EPHA6: variants seen among roughly 807,000 people sequenced by gnomAD.
EPHA6 encodes EPH receptor A6, also known as ephrin type-A receptor 6.
A neutral mutation model predicts 112.0 loss-of-function variants in EPHA6; 50 were observed. The ratio of observed to expected loss-of-function variants is 0.45; its 90% confidence interval spans 0.36 to 0.56. The LOEUF (loss-of-function observed/expected upper bound fraction) is 0.56, where lower values mean the gene tolerates loss of function less well. EPHA6 is among the 20% of genes least tolerant of loss of function. The pLI is 0.00. For missense variants in EPHA6, 1,280 were observed against 1,417.4 expected, an observed-to-expected ratio of 0.90 and a Z score of 1.56; for synonymous variants, 529 against 490.7, an observed-to-expected ratio of 1.08 and a Z score of -1.03.
chr3:97,264,051 C>A (rs769431355), intron 5 of EPHA6, among the ~76,000 whole-genome samples: 7 of 152,236 alleles, frequency 4.6e-5, no homozygotes, highest in Non-Finnish European at 8.8e-5. Context: ...TTCAGCTGTG[C>A]AGGTTATACA....
At chr3:96,933,317 T>C (rs1476350088) in intron 2 of EPHA6, among the ~76,000 whole-genome samples, 1 of 152,200 alleles carries the variant, frequency 6.6e-6, no homozygotes, top group Non-Finnish European at 1.5e-5. Context: ...GAGGTCCTGG[T>C]TACATTCCTC....
intron 2 of EPHA6, among the ~76,000 whole-genome samples, chr3:96,941,841 G>A (rs896001299): frequency 6.6e-6 from 1 of 152,218 alleles, no homozygotes; most frequent in African/African-American, 2.4e-5. Flanking sequence ...CTACAGGTCT[G>A]TTCGAGTTTG....
chr3:96,919,133 G>T (rs112848804), intron 2 of EPHA6, among the ~76,000 whole-genome samples: 1 of 151,808 alleles, frequency 6.6e-6, no homozygotes, highest in East Asian at 1.9e-4. Context: ...ACTGTGGAAC[G>T]TAGCCGCTTT....
intron 5 of EPHA6, among the ~76,000 whole-genome samples, chr3:97,388,656 C>T (rs1413164336): frequency 1.3e-5 from 2 of 152,130 alleles, no homozygotes; most frequent in East Asian, 1.9e-4. Context: ...AGGCAATCTT[C>T]CTCGGCTACT....
chr3:96,922,938 A>C (rs746924199), intron 2 of EPHA6, among the ~76,000 whole-genome samples: 1 of 152,056 alleles, frequency 6.6e-6, no homozygotes, highest in South Asian at 2.1e-4. Context: ...TTTGCTTCCA[A>C]TTCCATTCAT....
intron 3 of EPHA6, among the ~76,000 whole-genome samples, chr3:97,157,874 A>T (rs954082397): frequency 1.3e-5 from 2 of 152,138 alleles, no homozygotes; most frequent in Admixed American, 1.3e-4. Flanking sequence ...TCTCATCGAG[A>T]AACACGTTCA....
chr3:96,930,485 C>G (rs1351297986), intron 2 of EPHA6, among the ~76,000 whole-genome samples: 1 of 152,190 alleles, frequency 6.6e-6, no homozygotes, highest in African/African-American at 2.4e-5. Context: ...TGGGTCCCCT[C>G]TATACCAAGG....
intron 2 of EPHA6, among the ~76,000 whole-genome samples, chr3:96,893,742 C>T (rs966483051): frequency 1.3e-5 from 2 of 152,138 alleles, no homozygotes; most frequent in African/African-American, 4.8e-5. Context: ...CTAGCCTTCT[C>T]AGCACCATGA....
chr3:97,665,840 G>A (rs192263675), intron 14 of EPHA6, among the ~76,000 whole-genome samples: 8 of 152,270 alleles, frequency 5.3e-5, no homozygotes, highest in Admixed American at 3.3e-4. Flanking sequence ...GGCAGATCAC[G>A]AGATCAGGGG....
chr3:97,166,367 TA>T (rs570227027), intron 3 of EPHA6, among the ~76,000 whole-genome samples: 5,527 of 142,908 alleles, frequency 0.039, 89 homozygotes, highest in Admixed American at 0.062. Context: ...TACTTGTTTT[TA>T]AAAAAAAAAA....
chr3:97,083,856 G>C lies in EPHA6; in HGVS notation c.1114+95863G>C, dbSNP rs568604959. On this transcript the variant is annotated intron_variant, in intron 3 of 17. Transcript: ENST00000389672. ...CTGAAAGTTCATTAATGGAAAAATG[G>C]GTAAATGAGGTTGTTGTATATACAT... is the stretch of plus-strand genomic sequence containing the variant. Among the ~76,000 whole-genome samples, 23 of 151,404 alleles carry C rather than the reference G, an allele frequency of 1.5e-4. No individual in the cohort carries two copies. The South Asian group carries it at 4.6e-3, about 30-fold the overall frequency.
At chr3:97,159,423 C>T (rs1559764097) in intron 3 of EPHA6, among the ~76,000 whole-genome samples, 3 of 152,244 alleles carry the variant, frequency 2.0e-5, no homozygotes, top group South Asian at 4.1e-4. Flanking sequence ...GCCAGAAGAA[C>T]ATAAGGTTGC....
intron 3 of EPHA6, among the ~76,000 whole-genome samples, chr3:97,012,248 G>A (rs1351214425): frequency 6.6e-6 from 1 of 151,828 alleles, no homozygotes; most frequent in African/African-American, 2.4e-5. Flanking sequence ...TTTCCATGGT[G>A]GCTGAACTAA....
At chr3:97,014,182 G>A (rs908251885) in intron 3 of EPHA6, among the ~76,000 whole-genome samples, 1 of 151,960 alleles carries the variant, frequency 6.6e-6, no homozygotes, top group East Asian at 1.9e-4. Flanking sequence ...TAAAAAGAGC[G>A]ATAGATAGGT....
At chr3:96,854,140 A>T (rs1372308712) in intron 1 of EPHA6, among the ~76,000 whole-genome samples, 2 of 151,694 alleles carry the variant, frequency 1.3e-5, no homozygotes, top group East Asian at 3.9e-4. Context: ...TGGATCTAAA[A>T]AAAGATATAT....
intron 3 of EPHA6, 132 bp downstream of exon 3, chr3:96,988,125 A>G: frequency 1.7e-6 from 1 of 584,908 alleles, no homozygotes; most frequent in Admixed American, 3.5e-5. Flanking sequence ...TATAATGTAT[A>G]CTGATCAGAT....
At chr3:97,261,240 T>C (rs935965653) in intron 5 of EPHA6, among the ~76,000 whole-genome samples, 7 of 152,158 alleles carry the variant, frequency 4.6e-5, no homozygotes, top group African/African-American at 2.4e-5. Context: ...AGGACTTCCC[T>C]CTAAGAATAG....
chr3:97,078,297 CT>C (rs1303462436), intron 3 of EPHA6, among the ~76,000 whole-genome samples: 4 of 152,048 alleles, frequency 2.6e-5, no homozygotes, highest in African/African-American at 9.7e-5. Context: ...GATATTAGCC[CT>C]TTTTCAGATG....
At position 97,179,009 on chromosome 3, in the gene EPHA6, C is replaced by A. The variant is rs145297721; in HGVS notation, c.1115-47255C>A. ...TGCTCTTTTCTAGATACTGTAGAAT[C>A]TAGAGGCTATTTTCTAGATTCTGTA... On this transcript the variant is annotated intron_variant, in intron 3 of 17. Coordinates refer to ENST00000389672, the MANE Select transcript of EPHA6 (RefSeq NM_001080448.3). Among the ~76,000 whole-genome samples, 632 of 152,144 alleles carry A rather than the reference C, an allele frequency of 4.2e-3. 5 individuals carry two copies. Among genetic ancestry groups the A allele is most frequent in the African/African-American group, 0.014 (583 of 41,526 alleles).
Sources: allele counts gnomAD v4.1 joint callset (sites outside exome capture counted in the v4.1 genomes callset), GRCh38; gene constraint gnomAD v4.1.1; transcripts MANE v1.5; gene names NCBI Gene and HGNC (gene_info 2026-07-23, HGNC 2026-07-21).